The following SMYD1 variants were observed in gnomAD, a reference collection of about 807,000 sequenced individuals.
The protein encoded by SMYD1 is SET and MYND domain containing 1.
A neutral mutation model predicts 54.0 loss-of-function variants in SMYD1; 49 were observed. The observed-to-expected ratio is 0.91, with a 90% CI of 0.72 to 1.15. SMYD1 has a LOEUF of 1.15. Among genes scored for constraint, SMYD1 ranks in the 50% most tolerant of loss-of-function variants. The pLI is 0.00. For synonymous variants in SMYD1, 269 were observed against 234.2 expected, an observed-to-expected ratio of 1.15 and a Z score of -1.36; for missense variants, 653 against 639.6, an observed-to-expected ratio of 1.02 and a Z score of -0.23.
At chr2:88,097,407 T>C (rs1674618599) in intron 6 of SMYD1, among the ~76,000 whole-genome samples, 1 of 151,960 alleles carries the variant, frequency 6.6e-6, no homozygotes, top group Non-Finnish European at 1.5e-5. Flanking sequence ...GGTGTCAGAG[T>C]AGCCAGTTAA....
At chr2:88,100,010 C>T (rs1425369876) in intron 6 of SMYD1, among the ~76,000 whole-genome samples, 1 of 150,226 alleles carries the variant, frequency 6.7e-6, no homozygotes, top group Non-Finnish European at 1.5e-5. Flanking sequence ...CCTCCCCCAG[C>T]CCCTCAGATC....
intron 7 of SMYD1, among the ~76,000 whole-genome samples, chr2:88,104,124 G>GC (rs927570529): frequency 1.2e-4 from 18 of 151,980 alleles, no homozygotes; most frequent in Admixed American, 5.2e-4. Context: ...CCGCCACCAC[G>GC]CCTGGCTAAT....
intron 1 of SMYD1, chr2:88,082,460 G>A (rs543180721): frequency 6.5e-6 from 1 of 152,778 alleles, no homozygotes; most frequent in Non-Finnish European, 1.5e-5. Flanking sequence ...TAGAGCAGTA[G>A]CCCCTGCGGT....
At chr2:88,079,666 C>T (rs1167562377) in intron 1 of SMYD1, among the ~76,000 whole-genome samples, 1 of 152,028 alleles carries the variant, frequency 6.6e-6, no homozygotes, top group Non-Finnish European at 1.5e-5. Context: ...CTAAAAAATA[C>T]AAAAATTAGC....
intron 6 of SMYD1, among the ~76,000 whole-genome samples, chr2:88,102,049 G>A (rs1674732973): frequency 6.6e-6 from 1 of 151,838 alleles, no homozygotes; most frequent in Non-Finnish European, 1.5e-5. Context: ...TCATTAGGTG[G>A]GTTCTAGGGA....
chr2:88,085,377 C>G (rs552070292), intron 2 of SMYD1, among the ~76,000 whole-genome samples: 3 of 152,124 alleles, frequency 2.0e-5, no homozygotes, highest in African/African-American at 7.2e-5. Flanking sequence ...CTGGAGGTTC[C>G]GCTGGGGTGG....
intron 5 of SMYD1, 48 bp downstream of exon 5, chr2:88,093,603 C>T: frequency 1.2e-6 from 2 of 1,611,438 alleles, no homozygotes; most frequent in Non-Finnish European, 1.7e-6. Context: ...CCATCTCCCT[C>T]ACTTACCTGG....
intron 7 of SMYD1, 125 bp from the exon 8 acceptor site, chr2:88,106,200 C>T: frequency 2.3e-6 from 3 of 1,296,856 alleles, no homozygotes; most frequent in African/African-American, 1.5e-5. Flanking sequence ...GCTTTCCCAC[C>T]TCTGTCAGCA....
At chr2:88,091,553 AC>A (rs1674462800) in intron 4 of SMYD1, among the ~76,000 whole-genome samples, 1 of 152,198 alleles carries the variant, frequency 6.6e-6, no homozygotes, top group African/African-American at 2.4e-5. Flanking sequence ...GGTTTAAGAT[AC>A]TAACAAGGGG....
Position 88,112,485 on chromosome 2 carries a change from G to A in SMYD1, c.*1973G>A. On this transcript the variant is annotated 3_prime_UTR_variant, in exon 10 of 10. Transcript: ENST00000419482. ...CATCTATTATTGCTTCTCCATCCTG[G>A]ATCCTTGACATTTGTCACCCCACTG... 3.7e-6 allele frequency: 1 copy of A among 271,454 alleles called. No individual in the cohort carries two copies. The highest frequency in any genetic ancestry group is 7.0e-6 in the Non-Finnish European group (1 of 142,190). The allele number at this position is 271,454 out of a possible 1,614,324, so 16.8% of individuals were successfully genotyped here.
chr2:88,072,017 A>C (rs977336355), intron 1 of SMYD1, among the ~76,000 whole-genome samples: 85 of 140,130 alleles, frequency 6.1e-4, no homozygotes, highest in African/African-American at 2.0e-3. Context: ...AAAAAAAAAA[A>C]CCCCAGCTAT....
At chr2:88,087,795 C>T (rs781462979) in intron 2 of SMYD1, 67 bp from the exon 3 acceptor site, 27 of 1,361,546 alleles carry the variant, frequency 2.0e-5, no homozygotes, top group African/African-American at 4.4e-5. Context: ...GCATGAGACA[C>T]CCAGTAAATG....
chr2:88,090,926 T>TC, intron 3 of SMYD1, 86 bp from the exon 4 acceptor site: 3 of 1,473,890 alleles, frequency 2.0e-6, no homozygotes, highest in Non-Finnish European at 2.8e-6. Flanking sequence ...GACTGGGTCT[T>TC]CTGTTTTTTA....
At chr2:88,086,783 G>T (rs1674337799) in intron 2 of SMYD1, among the ~76,000 whole-genome samples, 1 of 150,572 alleles carries the variant, frequency 6.6e-6, no homozygotes, top group Non-Finnish European at 1.5e-5. Flanking sequence ...TTTCAGAAAT[G>T]AAATTTATTT....
Position 88,110,708 on chromosome 2 carries a change from C to A in SMYD1, c.*196C>A. 1.7e-6 allele frequency: 1 copy of A among 572,084 alleles called. No individual in the cohort carries two copies. Among genetic ancestry groups the A allele is most frequent in the Non-Finnish European group, 2.9e-6 (1 of 349,940 alleles). The allele number at this position is 572,084 out of a possible 1,614,324, so 35.4% of individuals were successfully genotyped here. A position where few individuals can be genotyped will look rare whatever the true frequency, so the allele number is the denominator to read the frequency against. ...CTATTCAATTCAAGTTAACTCTAGC[C>A]CAGCCCAGATCAACTCCTCCTACAA... On this transcript the variant is annotated 3_prime_UTR_variant, in exon 10 of 10. Transcript: ENST00000419482.
chr2:88,099,697 T>G (rs1674676223), intron 6 of SMYD1, among the ~76,000 whole-genome samples: 1 of 150,700 alleles, frequency 6.6e-6, no homozygotes, highest in African/African-American at 2.4e-5. Context: ...CATTCCAGCC[T>G]GGGCGACAGA....
intron 6 of SMYD1, among the ~76,000 whole-genome samples, chr2:88,101,225 T>C: frequency 6.6e-6 from 1 of 152,362 alleles, no homozygotes; most frequent in East Asian, 1.9e-4. Context: ...GGTAGTTTAC[T>C]GAGGGTGGCT....
rs112988082 is a variant in SMYD1 at position 88,077,011 on chromosome 2, CA to C, written c.138-7288del. Among the ~76,000 whole-genome samples the C allele has an allele frequency of 3.0e-3, 349 of 117,138 alleles. 1 individual carries two copies. Among genetic ancestry groups the C allele is most frequent in the South Asian group, 0.013 (46 of 3,516 alleles). The allele number at this position is 117,138 out of a possible 152,430, so 76.8% of individuals were successfully genotyped here. A position where few individuals can be genotyped will look rare whatever the true frequency, so the allele number is the denominator to read the frequency against. On this transcript the variant is annotated intron_variant, in intron 1 of 9. Transcript: ENST00000419482. ...TGGAGGACAGAGAAAGACCCTGTCT[CA>C]AAAAAAAAAAAAAAAAGACACTTCC...
At chr2:88,096,500 G>T in intron 5 of SMYD1, 95 bp from the exon 6 acceptor site, 1 of 1,103,388 alleles carries the variant, frequency 9.1e-7, no homozygotes, top group Non-Finnish European at 1.3e-6. Context: ...GAAAGTCATT[G>T]TCTTTGAGAC....
Sources: gnomAD v4.1 joint callset for allele counts (sites outside exome capture counted in the v4.1 genomes callset) on GRCh38, gnomAD v4.1.1 for gene constraint, MANE v1.5 for transcripts, NCBI Gene and HGNC (gene_info 2026-07-23, HGNC 2026-07-21) for gene names.